ROS1: variants seen among roughly 807,000 people sequenced by gnomAD.
ROS1 encodes proto-oncogene tyrosine-protein kinase ROS.
ROS1 carries 263 observed loss-of-function variants against 273.5 expected under a neutral mutation model. The ratio of observed to expected loss-of-function variants is 0.96; its 90% confidence interval spans 0.87 to 1.06. The LOEUF is 1.06. Ranked by LOEUF, ROS1 falls within the 50% of genes least tolerant of loss-of-function variation. ROS1 has a pLI of 0.00. For missense variants in ROS1, 2,833 were observed against 2,751.1 expected, an observed-to-expected ratio of 1.03 and a Z score of -0.67; for synonymous variants, 1,008 against 954.1, an observed-to-expected ratio of 1.06 and a Z score of -1.04.
At chr6:117,335,674 A>C (rs1777406685) in intron 32 of ROS1, among the ~76,000 whole-genome samples, 1 of 152,218 alleles carries the variant, frequency 6.6e-6, no homozygotes, top group African/African-American at 2.4e-5. Flanking sequence ...GAATGAGATC[A>C]TGTCCTTTGC....
In ROS1 at chr6:117,301,038, T is replaced by C; in HGVS notation, c.6651A>G (p.Leu2217=). Residue 2217 remains leucine, a synonymous_variant, in exon 43 of 44, where the codon TTA becomes TTG. Coordinates refer to ENST00000368507, the MANE Select transcript of ROS1 (RefSeq NM_001378902.1). ...DQLQLFRNFF[L]NSIYKSRDEA... ...CATCTCTGGACTTATAAATGCTATT[T>C]AAGAAAAAATTTCTGAATAACTGAA... 6.2e-7 allele frequency: 1 copy of C among 1,606,714 alleles called. No homozygotes were observed. The highest frequency in any genetic ancestry group is 8.5e-7 in the Non-Finnish European group (1 of 1,177,014).
intron 43 of ROS1, among the ~76,000 whole-genome samples, chr6:117,300,685 AG>A: frequency 6.6e-6 from 1 of 152,100 alleles, no homozygotes. Flanking sequence ...GGGGGAGAAG[AG>A]AAGGAGAACA....
chr6:117,396,039 G>A (rs750532821), intron 9 of ROS1, 149 bp downstream of exon 9: 10 of 457,094 alleles, frequency 2.2e-5, no homozygotes, highest in Non-Finnish European at 4.0e-5. Flanking sequence ...ATTTAAAATG[G>A]AAAACTTAAC....
At chr6:117,326,539 A>C in intron 33 of ROS1, 125 bp from the exon 34 acceptor site, 1 of 573,570 alleles carries the variant, frequency 1.7e-6, no homozygotes. Context: ...CCTTGACCTC[A>C]TTCCTCTCCC....
chr6:117,336,434 G>T (rs1386259267), intron 32 of ROS1, among the ~76,000 whole-genome samples: 1 of 151,494 alleles, frequency 6.6e-6, no homozygotes, highest in East Asian at 1.9e-4. Flanking sequence ...TTGGTTTTCT[G>T]TTCCTGAATT....
intron 17 of ROS1, among the ~76,000 whole-genome samples, chr6:117,382,731 C>T (rs1440548069): frequency 6.6e-6 from 1 of 152,044 alleles, no homozygotes; most frequent in Non-Finnish European, 1.5e-5. Context: ...ATAATATGAG[C>T]TTAACTACGG....
intron 32 of ROS1, among the ~76,000 whole-genome samples, chr6:117,336,448 T>C (rs1777473069): frequency 6.6e-6 from 1 of 152,192 alleles, no homozygotes; most frequent in South Asian, 2.1e-4. Flanking sequence ...CTGAATTAGT[T>C]TGCTGAGGTT....
chr6:117,289,267 G>C (rs76694968), intron 43 of ROS1, among the ~76,000 whole-genome samples: 1 of 152,068 alleles, frequency 6.6e-6, no homozygotes, highest in African/African-American at 2.4e-5. Context: ...TAGTAATTTT[G>C]CTAAATTAAT....
chr6:117,382,608 A>G (rs1252561861), intron 17 of ROS1, among the ~76,000 whole-genome samples: 2 of 152,174 alleles, frequency 1.3e-5, no homozygotes, highest in Admixed American at 1.3e-4. Flanking sequence ...TTAGATGGAT[A>G]CCTAGTGGGT....
chr6:117,385,934 C>T, intron 15 of ROS1, 73 bp from the exon 16 acceptor site: 1 of 1,128,058 alleles, frequency 8.9e-7, no homozygotes, highest in South Asian at 1.3e-5. Context: ...CAACAAATCA[C>T]ATCTGCACCT....
intron 18 of ROS1, among the ~76,000 whole-genome samples, chr6:117,372,673 G>A (rs13216409): frequency 0.072 from 11,002 of 152,190 alleles, 407 homozygotes; most frequent in Middle Eastern, 0.11. Flanking sequence ...ATCTGGAGTC[G>A]CTCATTCCTC....
At chr6:117,407,039 A>AT (rs2128730700) in intron 5 of ROS1, among the ~76,000 whole-genome samples, 2 of 149,534 alleles carry the variant, frequency 1.3e-5, no homozygotes, top group East Asian at 4.0e-4. Context: ...TAAAATATAC[A>AT]TTTTATCCAC....
rs770140038 is a variant in ROS1 at position 117,366,049 on chromosome 6, A to G, written c.2797+27T>C. The stretch of plus-strand genomic sequence containing the variant: ...TATTTAACTGAAGGTATAGTGGAGT[A>G]GGGTAAGCAGGAATGAAATACTGTA... On this transcript the variant is annotated intron_variant, in intron 19 of 43. Coordinates refer to ENST00000368507, the MANE Select transcript of ROS1 (RefSeq NM_001378902.1). 3.9e-6 allele frequency: 6 copies of G among 1,520,116 alleles called. No individual in the cohort carries two copies. The East Asian group carries it at 1.4e-4, about 34-fold the overall frequency. 94.2% of individuals were successfully genotyped at this position (1,520,116 alleles called of 1,614,324 possible). A position where few individuals can be genotyped will look rare whatever the true frequency, so the allele number is the denominator to read the frequency against.
At chr6:117,333,965 A>G (rs559245109) in intron 32 of ROS1, among the ~76,000 whole-genome samples, 124 of 152,256 alleles carry the variant, frequency 8.1e-4, no homozygotes, top group African/African-American at 2.8e-3. Context: ...CACCACTCCT[A>G]TTCAACATAG....
At chr6:117,347,338 CTG>C (rs1213001934) in intron 27 of ROS1, among the ~76,000 whole-genome samples, 2 of 151,926 alleles carry the variant, frequency 1.3e-5, no homozygotes, top group African/African-American at 2.4e-5. Flanking sequence ...GTAAATGATA[CTG>C]TGTGTTTAAT....
rs771443531 is a variant in ROS1 at position 117,359,822 on chromosome 6, C to T, written c.3620G>A (p.Arg1207His). Reference sequence around the variant, plus strand: ...ATAGTGAAATACCTCAGAGCTAGAGCGATTGTGCAAGTGCAGAAGAAAGAG... The same window carrying T: ...ATAGTGAAATACCTCAGAGCTAGAGTGATTGTGCAAGTGCAGAAGAAAGAG... The part of the protein sequence containing the change: ...DSLFLLHLHN[R>H]SSSELFQDSL... Residue 1207 changes from arginine (R) to histidine (H), a missense_variant, in exon 24 of 44, where the codon CGC (arginine) becomes CAC (histidine). By Grantham distance (29) the Arg-to-His change is conservative. Coordinates refer to ENST00000368507, the MANE Select transcript of ROS1 (RefSeq NM_001378902.1). 2.9e-5 allele frequency: 46 copies of T among 1,613,238 alleles called. No homozygotes were observed. Among genetic ancestry groups the T allele is most frequent in the Non-Finnish European group, 3.2e-5 (38 of 1,179,346 alleles).
chr6:117,308,392 C>A (rs2128545176), intron 42 of ROS1, among the ~76,000 whole-genome samples: 1 of 151,862 alleles, frequency 6.6e-6, no homozygotes, highest in African/African-American at 2.4e-5. Flanking sequence ...CAATATATTC[C>A]CATTTAGTAT....
chr6:117,377,511 AAAAAAG>A (rs1781437801), intron 18 of ROS1, among the ~76,000 whole-genome samples: 1 of 152,212 alleles, frequency 6.6e-6, no homozygotes, highest in South Asian at 2.1e-4. Flanking sequence ...ACAGAAAGGA[AAAAAAG>A]AAAACTTTAA....
At chr6:117,301,229 G>A in intron 42 of ROS1, 92 bp from the exon 43 acceptor site, 2 of 1,086,498 alleles carry the variant, frequency 1.8e-6, no homozygotes, top group Non-Finnish European at 2.6e-6. Context: ...GAAAGAATCT[G>A]AGTTATTGCC....
Sources: allele counts gnomAD v4.1 joint callset (sites outside exome capture counted in the v4.1 genomes callset), GRCh38; gene constraint gnomAD v4.1.1; transcripts MANE v1.5; gene names NCBI Gene and HGNC (gene_info 2026-07-23, HGNC 2026-07-21).